Variants in BICRAL observed in about 807,000 individuals in gnomAD.
BICRAL encodes the protein BICRA like chromatin remodeling complex associated protein, also known as BRD4-interacting chromatin-remodeling complex-associated protein-like.
A neutral mutation model predicts 91.8 loss-of-function variants in BICRAL; 8 were observed. That is an observed-to-expected ratio of 0.09 (90% CI 0.05 to 0.16). BICRAL has a LOEUF of 0.16. BICRAL is among the 10% of genes least tolerant of loss of function. BICRAL has a pLI of 1.00. For missense variants in BICRAL, 1,038 were observed against 1,310.9 expected (o/e 0.79, Z 3.21); for synonymous variants, 445 against 491.1 (o/e 0.91, Z 1.24).
intron 1 of BICRAL, among the ~76,000 whole-genome samples, chr6:42,750,985 C>T (rs1158216087): frequency 1.4e-5 from 2 of 138,116 alleles, no homozygotes; most frequent in African/African-American, 5.5e-5. Flanking sequence ...TGGTGGTTTG[C>T]TGCACCTATC....
rs1009669718 is a variant in BICRAL, at chr6:42,844,391, C to T, written c.1840-7701C>T. On this transcript the variant is annotated intron_variant, in intron 6 of 12. Transcript: ENST00000314073. ...AGGAGTGGTGGCGGGCACCTGTAGT[C>T]CCAGCTACTCGGGAGGCTGAGGCAG... 3.8e-4 allele frequency among the ~76,000 whole-genome samples: 58 copies of T among 151,034 alleles called. 1 individual carries two copies. Among genetic ancestry groups the T allele is most frequent in the Admixed American group, 1.3e-3 (19 of 15,156 alleles).
At chr6:42,782,861 C>G (rs1377572322) in intron 1 of BICRAL, among the ~76,000 whole-genome samples, 1 of 151,820 alleles carries the variant, frequency 6.6e-6, no homozygotes, top group Non-Finnish European at 1.5e-5. Context: ...GAAAAATAAG[C>G]TTTTCCAATC....
At chr6:42,859,874 T>A (rs942441499) in intron 10 of BICRAL, among the ~76,000 whole-genome samples, 3 of 152,110 alleles carry the variant, frequency 2.0e-5, no homozygotes, top group Non-Finnish European at 4.4e-5. Flanking sequence ...CTCCATCTCC[T>A]GACCTCGTGA....
upstream of BICRAL, among the ~76,000 whole-genome samples, chr6:42,779,956 G>A (rs189051332): frequency 2.9e-3 from 438 of 152,186 alleles, 3 homozygotes; most frequent in South Asian, 6.0e-3. Context: ...GTCTCACTCT[G>A]TCAGCCTGCC....
chr6:42,837,031 G>A (rs1764661884), intron 6 of BICRAL, among the ~76,000 whole-genome samples: 1 of 151,506 alleles, frequency 6.6e-6, no homozygotes, highest in South Asian at 2.1e-4. Flanking sequence ...TGCAAGCTCC[G>A]CCTCCCAGGT....
intron 5 of BICRAL, 50 bp downstream of exon 5, chr6:42,823,053 A>C (rs1439529522): frequency 9.2e-7 from 1 of 1,087,756 alleles, no homozygotes; most frequent in Admixed American, 1.7e-5. Flanking sequence ...TGTCTGATTG[A>C]TGCCTTGTGA....
At chr6:42,838,472 G>C (rs763054162) in intron 6 of BICRAL, among the ~76,000 whole-genome samples, 8 of 152,112 alleles carry the variant, frequency 5.3e-5, no homozygotes, top group Non-Finnish European at 8.8e-5. Context: ...AGATTTCTCC[G>C]CAAGGGTCTC....
rs760061111 is a variant in BICRAL, at chr6:42,857,174, A to G, written c.2192A>G (p.Gln731Arg). Residue 731 changes from glutamine (Q) to arginine (R), a missense_variant, in exon 10 of 13, where the codon CAG becomes CGG. Gln to Arg is a conservative substitution (Grantham distance 43). Coordinates refer to ENST00000314073, the MANE Select transcript of BICRAL (RefSeq NM_001393499.1). The part of the protein sequence containing the change: ...SHFRSLSDAV[Q>R]RLLSYHVCQG... The stretch of plus-strand genomic sequence containing the variant: ...TTCCGATCACTAAGTGATGCGGTAC[A>G]GAGACTGCTCTCCTACCACGTGTGC... The G allele has an allele frequency of 1.9e-6, 3 of 1,613,734 alleles. No homozygotes were observed. The South Asian group carries it at 3.3e-5, about 18-fold the overall frequency.
chr6:42,863,693 C>T (rs1271474070), intron 12 of BICRAL, among the ~76,000 whole-genome samples: 1 of 152,162 alleles, frequency 6.6e-6, no homozygotes, highest in South Asian at 2.1e-4. Context: ...TTTCTGTTTT[C>T]AGACTGTTTC....
intron 1 of BICRAL, among the ~76,000 whole-genome samples, chr6:42,751,654 C>CTTTTTTTTT (rs1190737893): frequency 4.4e-4 from 51 of 116,532 alleles, no homozygotes; most frequent in Non-Finnish European, 5.1e-4. Context: ...TCTTTCTTTT[C>CTTTTTTTTT]TTTTTTTTTT....
chr6:42,793,296 ATTTTTTTTTTT>A lies in BICRAL; in HGVS notation c.-102+11214_-102+11224del, dbSNP rs35332872. 4.0e-3 allele frequency among the ~76,000 whole-genome samples: 91 copies of A among 22,974 alleles called. 2 individuals are homozygous for A. The highest frequency in any genetic ancestry group is 0.014 in the Admixed American group (19 of 1,342). The allele number at this position is 22,974 out of a possible 152,430, so 15.1% of individuals were successfully genotyped here. A position where few individuals can be genotyped will look rare whatever the true frequency, so the allele number is the denominator to read the frequency against. ...GTAGCTGGGATTACAGACCCAGCTAATTTTTTTTTTTTTTTTTTTTTTTTTTTTTGTATTTT... is the reference window on the plus strand; with the variant it reads ...GTAGCTGGGATTACAGACCCAGCTAATTTTTTTTTTTTTTTTTTGTATTTT... On this transcript the variant is annotated intron_variant, in intron 1 of 12. Transcript: ENST00000314073.
intron 1 of BICRAL, among the ~76,000 whole-genome samples, chr6:42,788,589 G>A (rs771150699): frequency 6.6e-6 from 1 of 152,162 alleles, no homozygotes; most frequent in East Asian, 1.9e-4. Context: ...GCAAGACAAC[G>A]CAGTGTGGCA....
At chr6:42,771,346 T>C (rs963793602) in intron 1 of BICRAL, among the ~76,000 whole-genome samples, 13 of 152,230 alleles carry the variant, frequency 8.5e-5, no homozygotes, top group African/African-American at 3.1e-4. Flanking sequence ...CATTACGTGA[T>C]GCTTTTTAGC....
chr6:42,862,134 C>A (rs1316217662), intron 11 of BICRAL, among the ~76,000 whole-genome samples: 1 of 151,668 alleles, frequency 6.6e-6, no homozygotes, highest in African/African-American at 2.4e-5. Flanking sequence ...GTCAAGAGTT[C>A]AAAAAGATTT....
rs1009336223 is a variant in BICRAL at position 42,829,114 on chromosome 6, A to G, written c.781A>G (p.Asn261Asp). 6.2e-7 allele frequency: 1 copy of G among 1,614,116 alleles called. No individual in the cohort carries two copies. The highest frequency in any genetic ancestry group is 8.5e-7 in the Non-Finnish European group (1 of 1,180,000). Reference sequence around the variant, plus strand: ...GCTCCTGGTTCATAGACAGACTCCTAATGGCAACTCCTTGTTTGGGAACTC... The same window carrying G: ...GCTCCTGGTTCATAGACAGACTCCTGATGGCAACTCCTTGTTTGGGAACTC... ...GGLLVHRQTP[N>D]GNSLFGNSSS... The change falls in exon 6 of 13, where the codon AAT becomes GAT. Residue 261 changes from asparagine to aspartate, a missense_variant. Asn to Asp is a conservative substitution (Grantham distance 23, BLOSUM62 1). This residue lies in a region of BICRAL where 532 missense variants were observed against 724.9 expected (regional missense o/e 0.73). Transcript: ENST00000314073.
chr6:42,844,847 A>G (rs1279650906), intron 6 of BICRAL, among the ~76,000 whole-genome samples: 1 of 152,194 alleles, frequency 6.6e-6, no homozygotes, highest in Non-Finnish European at 1.5e-5. Context: ...GATGAGAAGG[A>G]GAAAGACATT....
At chr6:42,823,266 C>T (rs1016917610) in intron 5 of BICRAL, among the ~76,000 whole-genome samples, 1 of 152,124 alleles carries the variant, frequency 6.6e-6, no homozygotes, top group African/African-American at 2.4e-5. Flanking sequence ...GCTGGGACTA[C>T]AGGCGCATGC....
chr6:42,799,841 A>C (rs1229905709), intron 1 of BICRAL, among the ~76,000 whole-genome samples: 1 of 152,044 alleles, frequency 6.6e-6, no homozygotes, highest in Non-Finnish European at 1.5e-5. Flanking sequence ...AATATGCTAC[A>C]AATATATTTG....
Position 42,822,654 on chromosome 6 carries a change from A to C in BICRAL, c.42-142A>C, listed in dbSNP as rs1349359531. The C allele has an allele frequency of 1.7e-5, 9 of 537,798 alleles. No homozygotes were observed. The East Asian group carries it at 2.2e-4, about 13-fold the overall frequency. The allele number at this position is 537,798 out of a possible 1,614,324, so 33.3% of individuals were successfully genotyped here. On this transcript the variant is annotated intron_variant, in intron 3 of 12. Coordinates refer to ENST00000314073, the MANE Select transcript of BICRAL (RefSeq NM_001393499.1). ...AACAAAAACAAGATTAAAAAAAAAAAAACCTACTAATAGTTTTAAAATAGG... is the reference window on the plus strand; with the variant it reads ...AACAAAAACAAGATTAAAAAAAAAACAACCTACTAATAGTTTTAAAATAGG...
Sources: gnomAD v4.1 joint callset for allele counts (sites outside exome capture counted in the v4.1 genomes callset) on GRCh38, gnomAD v4.1.1 for gene constraint, gnomAD v4.1.1 regional missense constraint, MANE v1.5 for transcripts, NCBI Gene and HGNC (gene_info 2026-07-23, HGNC 2026-07-21) for gene names.